PPP1R36: variants seen among roughly 807,000 people sequenced by gnomAD.
The protein encoded by PPP1R36 is chromosome 14 open reading frame 50.
A neutral mutation model predicts 53.4 loss-of-function variants in PPP1R36; 47 were observed. The ratio of observed to expected loss-of-function variants is 0.88; its 90% CI spans 0.70 to 1.12. PPP1R36 has a LOEUF of 1.12. PPP1R36 is among the 50% of genes most tolerant of loss of function. PPP1R36 has a pLI of 0.00. For missense variants in PPP1R36, 456 were observed against 513.9 expected, an observed-to-expected ratio of 0.89 and a Z score of 1.09; for synonymous variants, 153 against 170.5, an observed-to-expected ratio of 0.90 and a Z score of 0.80.
At chr14:64,582,543 C>T (rs745611688) in intron 8 of PPP1R36, among the ~76,000 whole-genome samples, 1 of 152,174 alleles carries the variant, frequency 6.6e-6, no homozygotes, top group Non-Finnish European at 1.5e-5. Flanking sequence ...ACTTGCCACA[C>T]GCGGCTGTTG....
chr14:64,584,700 A>G (rs1240504833), intron 8 of PPP1R36, among the ~76,000 whole-genome samples: 1 of 152,204 alleles, frequency 6.6e-6, no homozygotes, highest in Non-Finnish European at 1.5e-5. Flanking sequence ...ATCTGTCCCT[A>G]ATTAGATATA....
At chr14:64,581,476 GGA>G (rs2080389541) in intron 8 of PPP1R36, among the ~76,000 whole-genome samples, 1 of 152,048 alleles carries the variant, frequency 6.6e-6, no homozygotes. Context: ...CTTTATATAG[GGA>G]ACCAAACATC....
In PPP1R36 at chr14:64,553,293, C is replaced by T. The variant is rs111530941; in HGVS notation, c.182+432C>T. On this transcript the variant is annotated intron_variant, in intron 3 of 11. Transcript: ENST00000298705. ...AAACTAATTTTCAGTGCTAATCTAA[C>T]GACCCACCCCAAATGGTGCTATTTC... Among the ~76,000 whole-genome samples, 5 of 152,210 alleles carry T rather than the reference C, an allele frequency of 3.3e-5. No individual in the cohort carries two copies. The South Asian group carries it at 1.0e-3, about 32-fold the overall frequency.
At chr14:64,588,548 G>A (rs906996664) in intron 11 of PPP1R36, 2 of 288,544 alleles carry the variant, frequency 6.9e-6, no homozygotes. Flanking sequence ...GGAGGAGTGA[G>A]TAACTGATTT....
At chr14:64,589,102 G>A (rs779680693) in intron 11 of PPP1R36, 50 bp from the exon 12 acceptor site, 21 of 1,413,344 alleles carry the variant, frequency 1.5e-5, no homozygotes, top group Middle Eastern at 1.8e-4. Flanking sequence ...AACCCTGCAC[G>A]TCAGTCTTTG....
intron 3 of PPP1R36, among the ~76,000 whole-genome samples, chr14:64,554,426 C>T (rs1441076090): frequency 1.3e-5 from 2 of 151,916 alleles, no homozygotes; most frequent in Non-Finnish European, 2.9e-5. Flanking sequence ...GCTGGGATTA[C>T]AGGCGTGAGC....
intron 8 of PPP1R36, among the ~76,000 whole-genome samples, chr14:64,579,682 G>A (rs1430803468): frequency 1.3e-5 from 2 of 152,114 alleles, no homozygotes; most frequent in South Asian, 2.1e-4. Flanking sequence ...TAAAAAACCT[G>A]CTCTTGGGCC....
At chr14:64,577,917 G>A (rs1348921517) in intron 8 of PPP1R36, among the ~76,000 whole-genome samples, 2 of 151,824 alleles carry the variant, frequency 1.3e-5, no homozygotes, top group Non-Finnish European at 2.9e-5. Flanking sequence ...AGTAGAGACA[G>A]GGTTTCACCA....
chr14:64,563,038 G>T (rs1460314575), intron 3 of PPP1R36, among the ~76,000 whole-genome samples: 6 of 151,948 alleles, frequency 3.9e-5, no homozygotes, highest in Non-Finnish European at 8.8e-5. Context: ...GGCTAATTTT[G>T]TATTTTTAGT....
intron 2 of PPP1R36, among the ~76,000 whole-genome samples, chr14:64,551,855 A>C (rs1304955282): frequency 2.0e-5 from 3 of 152,212 alleles, no homozygotes; most frequent in Non-Finnish European, 4.4e-5. Flanking sequence ...GTAGGTACTC[A>C]ACAAATATTT....
intron 2 of PPP1R36, among the ~76,000 whole-genome samples, chr14:64,551,942 G>A (rs969804951): frequency 6.6e-6 from 1 of 152,218 alleles, no homozygotes; most frequent in African/African-American, 2.4e-5. Flanking sequence ...AAGACTAGTT[G>A]TAGGATTACA....
intron 3 of PPP1R36, among the ~76,000 whole-genome samples, chr14:64,553,134 T>C (rs1008873789): frequency 7.9e-5 from 12 of 152,222 alleles, no homozygotes; most frequent in African/African-American, 2.6e-4. Flanking sequence ...TTTGTATTTT[T>C]AGTAGAGACA....
intron 8 of PPP1R36, among the ~76,000 whole-genome samples, chr14:64,582,762 T>A (rs2080399139): frequency 6.6e-6 from 1 of 152,208 alleles, no homozygotes; most frequent in South Asian, 2.1e-4. Context: ...CTAGAAAATT[T>A]AAAATTAATT....
chr14:64,557,136 A>G (rs1194552438), intron 3 of PPP1R36, among the ~76,000 whole-genome samples: 1 of 152,122 alleles, frequency 6.6e-6, no homozygotes, highest in Non-Finnish European at 1.5e-5. Context: ...CTGGCCCATT[A>G]TAACTTTTTA....
At chr14:64,551,077 C>G in intron 2 of PPP1R36, 92 bp downstream of exon 2, 1 of 770,864 alleles carries the variant, frequency 1.3e-6, no homozygotes, top group Admixed American at 2.8e-5. Context: ...AGAATAAATA[C>G]CCACTGAACC....
At chr14:64,557,124 G>C (rs916956678) in intron 3 of PPP1R36, among the ~76,000 whole-genome samples, 1 of 152,082 alleles carries the variant, frequency 6.6e-6, no homozygotes, top group African/African-American at 2.4e-5. Flanking sequence ...GAGCCACCAT[G>C]CCTGGCCCAT....
intron 11 of PPP1R36, 176 bp downstream of exon 11, chr14:64,588,471 G>A: frequency 1.9e-6 from 1 of 534,906 alleles, no homozygotes; most frequent in Admixed American, 3.3e-5. Flanking sequence ...GAATCTTGAG[G>A]TACACCCATC....
At chr14:64,576,876 G>A (rs978253777) in intron 8 of PPP1R36, among the ~76,000 whole-genome samples, 5 of 152,214 alleles carry the variant, frequency 3.3e-5, no homozygotes. Flanking sequence ...TCCAGCATGG[G>A]ACGATGAAAA....
chr14:64,551,759 T>G (rs1344064408), intron 2 of PPP1R36: 1 of 439,598 alleles, frequency 2.3e-6, no homozygotes, highest in Non-Finnish European at 4.6e-6. Flanking sequence ...ACTCGCTGTC[T>G]CCCTCAACTA....
Sources: gnomAD v4.1 joint callset for allele counts (sites outside exome capture counted in the v4.1 genomes callset) on GRCh38, gnomAD v4.1.1 for gene constraint, MANE v1.5 for transcripts, NCBI Gene and HGNC (gene_info 2026-07-23, HGNC 2026-07-21) for gene names.